The following GNB1L variants were observed in gnomAD, a reference collection of about 807,000 sequenced individuals.
The protein encoded by GNB1L is guanine nucleotide-binding protein subunit beta-like protein 1.
In GNB1L, 20 loss-of-function variants were observed where a neutral mutation model predicts 29.1. The observed-to-expected ratio is 0.69, with a 90% CI of 0.48 to 1.00. GNB1L has a LOEUF of 1.00. Among genes scored for constraint, GNB1L ranks in the 50% least tolerant of loss-of-function variants. GNB1L has a pLI of 0.00. For missense variants in GNB1L, 421 were observed against 464.9 expected (o/e 0.91, Z 0.87); for synonymous variants, 193 against 206.5 (o/e 0.93, Z 0.56).
chr22:19,848,371 A>G, intron 2 of GNB1L: 1 of 985,448 alleles, frequency 1.0e-6, no homozygotes, highest in African/African-American at 1.7e-5. Flanking sequence ...TGGGGGCCAG[A>G]AGAGAAAAAC....
chr22:19,807,148 A>G (rs1038074912), intron 5 of GNB1L, among the ~76,000 whole-genome samples: 4 of 152,154 alleles, frequency 2.6e-5, no homozygotes, highest in Non-Finnish European at 1.5e-5. Flanking sequence ...TTTGCCACCC[A>G]CTTGAGAAAT....
rs912317542 is a variant in GNB1L, at chr22:19,806,556, G to A, written c.516+103C>T. On this transcript the variant is annotated intron_variant, in intron 6 of 7. Transcript: ENST00000329517. The stretch of plus-strand genomic sequence containing the variant: ...AGGTTCCCTGCGGCAGGGGGGTGGG[G>A]TGTTGCCTGAGTGGCTCGACGATAA... 6.6e-5 allele frequency: 46 copies of A among 699,964 alleles called. No homozygotes were observed. The East Asian group carries it at 1.2e-3, about 19-fold the overall frequency. 43.4% of individuals were successfully genotyped at this position (699,964 alleles called of 1,614,324 possible).
chr22:19,847,624 G>A, intron 2 of GNB1L: 1 of 985,124 alleles, frequency 1.0e-6, no homozygotes, highest in Non-Finnish European at 1.2e-6. Context: ...ACCGAACCAT[G>A]ACCACCCCTG....
At position 19,806,711 on chromosome 22, in the gene GNB1L, T is replaced by C. The variant is rs752866502; in HGVS notation, c.464A>G (p.Lys155Arg). The C allele has an allele frequency of 3.1e-6, 5 of 1,613,642 alleles. No individual in the cohort carries two copies. The highest frequency in any genetic ancestry group is 2.5e-6 in the Non-Finnish European group (3 of 1,179,942). The change falls in exon 6 of 8, where the codon AAG becomes AGG. Residue 155 changes from lysine (K) to arginine (R), a missense_variant. Transcript: ENST00000329517. ...MPSKTSVCAL[K>R]PKADAKLGMP... The stretch of plus-strand genomic sequence containing the variant: ...GCCCAGCTTGGCATCTGCCTTCGGC[T>C]TCAGGGCGCACACTGACGTCTTGGA...
chr22:19,788,400 C>T lies in GNB1L; in HGVS notation c.*309G>A, dbSNP rs1937211545. 3.4e-6 allele frequency: 2 copies of T among 591,282 alleles called. No individual in the cohort carries two copies. Among genetic ancestry groups the T allele is most frequent in the Non-Finnish European group, 3.0e-6 (1 of 331,562 alleles). The allele number at this position is 591,282 out of a possible 1,614,324, so 36.6% of individuals were successfully genotyped here. A position where few individuals can be genotyped will look rare whatever the true frequency, so the allele number is the denominator to read the frequency against. ...CCAGGGCCTCCTCAGGGAGCTCCCA[C>T]CTCAAGCCTGCAACTTGGCAATGGA... On this transcript the variant is annotated 3_prime_UTR_variant, in exon 8 of 8. Coordinates refer to ENST00000329517, the MANE Select transcript of GNB1L (RefSeq NM_053004.3).
intron 2 of GNB1L, among the ~76,000 whole-genome samples, chr22:19,834,291 A>G (rs1163628417): frequency 6.6e-6 from 1 of 152,246 alleles, no homozygotes; most frequent in Non-Finnish European, 1.5e-5. Context: ...AAACAACTCT[A>G]TATCTAGCAA....
chr22:19,795,719 A>C (rs1314524703), intron 7 of GNB1L, among the ~76,000 whole-genome samples: 1 of 152,278 alleles, frequency 6.6e-6, no homozygotes, highest in Non-Finnish European at 1.5e-5. Context: ...AGTCAAAGCC[A>C]ATGAGACTGA....
intron 2 of GNB1L, among the ~76,000 whole-genome samples, chr22:19,825,166 A>G (rs1218474139): frequency 1.3e-5 from 2 of 152,102 alleles, no homozygotes. Context: ...CCTCTGCCCC[A>G]CTGCATATCT....
rs765280260 is a variant in GNB1L at position 19,812,378 on chromosome 22, C to A, written c.324G>T (p.Val108=). The change falls in exon 5 of 8, where the codon GTG becomes GTT. Residue 108 remains valine (V), a synonymous_variant. Coordinates refer to ENST00000329517, the MANE Select transcript of GNB1L (RefSeq NM_053004.3). ...AEGRSAVVDS[V]CLESVGFCRS... Reference sequence around the variant, plus strand: ...GGCAGAAGCCCACACTCTCCAAGCACACGGAGTCCACGACAGCGCTCCTGC... The same window carrying A: ...GGCAGAAGCCCACACTCTCCAAGCAAACGGAGTCCACGACAGCGCTCCTGC... The A allele has an allele frequency of 6.2e-7, 1 of 1,613,450 alleles. No individual in the cohort carries two copies. Among genetic ancestry groups the A allele is most frequent in the Admixed American group, 1.7e-5 (1 of 60,030 alleles).
intron 7 of GNB1L, among the ~76,000 whole-genome samples, chr22:19,794,049 G>A (rs944198320): frequency 2.6e-5 from 4 of 152,100 alleles, no homozygotes; most frequent in African/African-American, 9.7e-5. Flanking sequence ...ATCCCAGCAT[G>A]TGGGATTGCT....
At chr22:19,792,849 G>C in intron 7 of GNB1L, 1 of 1,186,446 alleles carries the variant, frequency 8.4e-7, no homozygotes, top group Non-Finnish European at 1.2e-6. Flanking sequence ...CATTATCAAG[G>C]GGAAGGCAAG....
At chr22:19,852,118 C>T (rs1825612678) in intron 2 of GNB1L, 6 of 1,614,124 alleles carry the variant, frequency 3.7e-6, no homozygotes, top group Admixed American at 1.7e-5. Context: ...AGCAGGGCCG[C>T]TCAATCCAGG....
intron 7 of GNB1L, among the ~76,000 whole-genome samples, chr22:19,795,595 T>C (rs560367692): frequency 6.6e-6 from 1 of 152,172 alleles, no homozygotes; most frequent in Admixed American, 6.5e-5. Context: ...ATTAAAGATA[T>C]AGCTACAAAA....
chr22:19,848,944 T>A, intron 2 of GNB1L: 1 of 985,346 alleles, frequency 1.0e-6, no homozygotes, highest in African/African-American at 1.7e-5. Context: ...CAACTCTGGG[T>A]TCTACTGCCA....
chr22:19,817,740 G>A (rs5746837), intron 4 of GNB1L, among the ~76,000 whole-genome samples: 29,727 of 152,138 alleles, frequency 0.2, 3,051 homozygotes, highest in South Asian at 0.29. Flanking sequence ...GAGAGCAGGT[G>A]GCAGCAGCTC....
chr22:19,801,953 T>A, intron 7 of GNB1L, 48 bp downstream of exon 7: 2 of 1,397,200 alleles, frequency 1.4e-6, no homozygotes, highest in Middle Eastern at 2.3e-4. Flanking sequence ...CCTATCAGAC[T>A]GTTAGTGCAG....
chr22:19,810,582 C>T (rs1410704257), intron 5 of GNB1L, among the ~76,000 whole-genome samples: 2 of 152,180 alleles, frequency 1.3e-5, no homozygotes, highest in African/African-American at 2.4e-5. Flanking sequence ...CCCCTGCCTG[C>T]GCCTGTACTT....
At chr22:19,834,722 CA>C (rs899925838) in intron 2 of GNB1L, among the ~76,000 whole-genome samples, 3 of 149,454 alleles carry the variant, frequency 2.0e-5, no homozygotes, top group African/African-American at 7.4e-5. Context: ...AAAGTTCCAA[CA>C]AAAAATCAAA....
rs375752775 is a variant in GNB1L, at chr22:19,848,565, T to C, written c.-21+5878A>G. ...CCTACCTGTGCAGGAAACCTGGACA[T>C]CACCACTTCAAGGCCCTACCTTCCT... On this transcript the variant is annotated intron_variant, in intron 2 of 7. Coordinates refer to ENST00000329517, the MANE Select transcript of GNB1L (RefSeq NM_053004.3). 17 of 985,454 alleles carry C rather than the reference T, an allele frequency of 1.7e-5. No individual in the cohort carries two copies. In the African/African-American group the frequency reaches 3.0e-4, roughly 17 times the overall value. 61.0% of individuals were successfully genotyped at this position (985,454 alleles called of 1,614,324 possible).
Sources: gnomAD v4.1 joint callset for allele counts (sites outside exome capture counted in the v4.1 genomes callset) on GRCh38, gnomAD v4.1.1 for gene constraint, MANE v1.5 for transcripts, NCBI Gene and HGNC (gene_info 2026-07-23, HGNC 2026-07-21) for gene names.